The following CYFIP1 variants were observed in gnomAD, a reference collection of about 807,000 sequenced individuals.
The protein encoded by CYFIP1 is cytoplasmic FMR1-interacting protein 1.
Under a neutral mutation model 163.5 loss-of-function variants are expected in CYFIP1, and 58 were observed. The observed-to-expected ratio is 0.35, with a 90% CI of 0.29 to 0.44. The LOEUF (loss-of-function observed/expected upper bound fraction) is 0.44, where lower values mean the gene tolerates loss of function less well. Ranked by LOEUF, CYFIP1 falls within the 20% of genes least tolerant of loss-of-function variation. The pLI, the probability that CYFIP1 is intolerant of heterozygous loss-of-function variation, is 1.00. For missense variants in CYFIP1, 1,338 were observed against 1,653.8 expected, an observed-to-expected ratio of 0.81 and a Z score of 3.31; for synonymous variants, 663 against 660.7, an observed-to-expected ratio of 1.00 and a Z score of -0.05.
intron 11 of CYFIP1, among the ~76,000 whole-genome samples, chr15:22,931,452 C>T (rs1016203789): frequency 2.0e-4 from 31 of 152,048 alleles, no homozygotes; most frequent in African/African-American, 7.0e-4. Flanking sequence ...GCCCCTGGGA[C>T]GTCTTCTGAC....
At chr15:22,933,120 C>T (rs1411529405) in intron 10 of CYFIP1, among the ~76,000 whole-genome samples, 5 of 151,970 alleles carry the variant, frequency 3.3e-5, no homozygotes, top group Non-Finnish European at 5.9e-5. Context: ...AGGCATGAGC[C>T]ACCGCGCCCC....
chr15:22,909,520 C>G (rs1431309359), intron 20 of CYFIP1, among the ~76,000 whole-genome samples: 2 of 152,136 alleles, frequency 1.3e-5, no homozygotes, highest in East Asian at 3.9e-4. Flanking sequence ...TACTCCATCT[C>G]TATTTTGGCC....
Position 22,868,269 on chromosome 15 carries a change from T to C in CYFIP1, c.*1759A>G, listed in dbSNP as rs1407010298. 1.3e-5 allele frequency: 2 copies of C among 152,254 alleles called. No individual in the cohort carries two copies. Among genetic ancestry groups the C allele is most frequent in the African/African-American group, 4.8e-5 (2 of 41,460 alleles). 9.4% of individuals were successfully genotyped at this position (152,254 alleles called of 1,614,324 possible). On this transcript the variant is annotated 3_prime_UTR_variant, in exon 31 of 31. Transcript: ENST00000617928. ...ACTACAGATGTACTACGTATCTGTT[T>C]ATATACTGTACCTACATCTGTGCTT... is the stretch of plus-strand genomic sequence containing the variant.
chr15:22,890,624 T>C (rs1437473785), intron 23 of CYFIP1, among the ~76,000 whole-genome samples: 2 of 151,800 alleles, frequency 1.3e-5, no homozygotes, highest in African/African-American at 2.4e-5. Flanking sequence ...CCATTAGGAG[T>C]TGCTAAGAAC....
rs186774234 is a variant in CYFIP1, at chr15:22,902,484, C to T, written c.2588+1222G>A. Among the ~76,000 whole-genome samples the T allele has an allele frequency of 4.4e-4, 67 of 152,336 alleles. No homozygotes were observed. The East Asian group carries it at 7.9e-3, about 18-fold the overall frequency. On this transcript the variant is annotated intron_variant, in intron 22 of 30. Coordinates refer to ENST00000617928, the MANE Select transcript of CYFIP1 (RefSeq NM_014608.6). ...CTCTGGGGAGTTCACTCATTTTTCT[C>T]TCCTATGTATCCATGATTTCCCATT... is the stretch of plus-strand genomic sequence containing the variant.
rs575621849 is a variant in CYFIP1, at chr15:22,890,496, G to A, written c.2676+2394C>T. Among the ~76,000 whole-genome samples the A allele has an allele frequency of 2.0e-5, 3 of 152,262 alleles. No individual in the cohort carries two copies. In the East Asian group the frequency reaches 5.8e-4, roughly 30 times the overall value. ...ACCCCACCCTGCCCCACAGAGGAGA[G>A]GCCCGGTCACTGCATTCTTGGCGCC... On this transcript the variant is annotated intron_variant, in intron 23 of 30. Coordinates refer to ENST00000617928, the MANE Select transcript of CYFIP1 (RefSeq NM_014608.6).
intron 9 of CYFIP1, among the ~76,000 whole-genome samples, chr15:22,935,143 TA>T: frequency 6.6e-6 from 1 of 152,318 alleles, no homozygotes; most frequent in Non-Finnish European, 1.5e-5. Context: ...GAAGGGATGA[TA>T]TCTGAGACTA....
intron 30 of CYFIP1, among the ~76,000 whole-genome samples, chr15:22,871,290 C>T (rs142825944): frequency 1.1e-4 from 16 of 152,270 alleles, no homozygotes; most frequent in Non-Finnish European, 1.3e-4. Context: ...ATATAGAATA[C>T]ATGAATTGGA....
intron 30 of CYFIP1, 80 bp downstream of exon 30, chr15:22,872,745 C>T: frequency 1.4e-6 from 2 of 1,467,898 alleles, no homozygotes; most frequent in Non-Finnish European, 1.9e-6. Context: ...AAAACATTGC[C>T]AGAAACAAGA....
chr15:22,976,817 G>C (rs1482506583), intron 1 of CYFIP1, among the ~76,000 whole-genome samples: 1 of 152,178 alleles, frequency 6.6e-6, no homozygotes, highest in Non-Finnish European at 1.5e-5. Flanking sequence ...GGATAACAAG[G>C]ACTGTTGTAA....
At chr15:22,909,129 A>T in intron 21 of CYFIP1, 65 bp downstream of exon 21, 1 of 1,595,114 alleles carries the variant, frequency 6.3e-7, no homozygotes, top group Non-Finnish European at 8.6e-7. Context: ...CTCTTTTATC[A>T]TCTATACAAG....
chr15:22,883,077 GAGA>G (rs2059815540), intron 23 of CYFIP1, 66 bp from the exon 24 acceptor site: 3 of 1,562,334 alleles, frequency 1.9e-6, no homozygotes, highest in South Asian at 1.2e-5. Flanking sequence ...AGAACTGTGT[GAGA>G]AGATCACTCA....
intron 9 of CYFIP1, among the ~76,000 whole-genome samples, chr15:22,934,680 AG>A (rs2142249067): frequency 7.0e-6 from 1 of 143,592 alleles, no homozygotes; most frequent in South Asian, 2.2e-4. Context: ...TTGTATTTTT[AG>A]TAGAGACGGG....
chr15:22,917,397 G>T lies in CYFIP1; in HGVS notation c.1674+391C>A. 1 of 837,922 alleles carries T rather than the reference G, an allele frequency of 1.2e-6. No individual in the cohort carries two copies. The highest frequency in any genetic ancestry group is 1.6e-6 in the Non-Finnish European group (1 of 619,102). 51.9% of individuals were successfully genotyped at this position (837,922 alleles called of 1,614,324 possible). On this transcript the variant is annotated intron_variant, in intron 15 of 30. Coordinates refer to ENST00000617928, the MANE Select transcript of CYFIP1 (RefSeq NM_014608.6). The surrounding 1 kb of genome is among the most constrained non-coding windows in gnomAD (Gnocchi z 4.2). Reference sequence around the variant, plus strand: ...TGGGCAGCTTAGGACCATGACACACGCAAGCAGCACCTCACAGTTTCCCAC... The same window carrying T: ...TGGGCAGCTTAGGACCATGACACACTCAAGCAGCACCTCACAGTTTCCCAC...
At chr15:22,963,382 C>CA (rs2062755471) in intron 1 of CYFIP1, among the ~76,000 whole-genome samples, 1 of 152,028 alleles carries the variant, frequency 6.6e-6, no homozygotes, top group Non-Finnish European at 1.5e-5. Context: ...CCCAGCTACT[C>CA]AAGAGGCTGA....
At chr15:22,921,119 C>T (rs1407379110) in intron 13 of CYFIP1, among the ~76,000 whole-genome samples, 1 of 152,150 alleles carries the variant, frequency 6.6e-6, no homozygotes, top group East Asian at 1.9e-4. Flanking sequence ...CCTGTAATCC[C>T]AGTATTTTGG....
chr15:22,964,396 CACACACA>C (rs2062827248), intron 1 of CYFIP1, among the ~76,000 whole-genome samples: 1 of 148,182 alleles, frequency 6.7e-6, no homozygotes, highest in South Asian at 2.2e-4. Flanking sequence ...CACACACACA[CACACACA>C]CACACCCGGC....
intron 21 of CYFIP1, among the ~76,000 whole-genome samples, chr15:22,906,075 CTT>C (rs1171436980): frequency 6.7e-6 from 1 of 150,152 alleles, no homozygotes; most frequent in Non-Finnish European, 1.5e-5. Context: ...CTTTTCAAAA[CTT>C]TCTTTTTTCC....
chr15:22,939,077 G>C, intron 8 of CYFIP1, 115 bp downstream of exon 8: 1 of 1,327,416 alleles, frequency 7.5e-7, no homozygotes, highest in Non-Finnish European at 1.1e-6. Flanking sequence ...GTTCACACAT[G>C]ACAGCATGCA....
Sources: allele counts gnomAD v4.1 joint callset (sites outside exome capture counted in the v4.1 genomes callset), GRCh38; gene constraint gnomAD v4.1.1; non-coding constraint Gnocchi (gnomAD v3.1); transcripts MANE v1.5; gene names NCBI Gene and HGNC (gene_info 2026-07-23, HGNC 2026-07-21).